The following SRGAP2 variants were observed in gnomAD, a reference collection of about 807,000 sequenced individuals.
SRGAP2 encodes the protein SLIT-ROBO Rho GTPase-activating protein 2.
Under a neutral mutation model 57.2 loss-of-function variants are expected in SRGAP2, and 15 were observed. That is an observed-to-expected ratio of 0.26 (90% confidence interval 0.18 to 0.40). SRGAP2 has a LOEUF of 0.40. SRGAP2 is among the 10% of genes least tolerant of loss of function. SRGAP2 has a pLI of 1.00. For synonymous variants in SRGAP2, 249 were observed against 248.0 expected, an observed-to-expected ratio of 1.00 and a Z score of -0.04; for missense variants, 520 against 669.6, an observed-to-expected ratio of 0.78 and a Z score of 2.47.
rs188385008 is a variant in SRGAP2 at position 206,416,771 on chromosome 1, C to G, written c.1441+798C>G. Among the ~76,000 whole-genome samples the G allele has an allele frequency of 2.4e-3, 372 of 152,256 alleles. 1 individual carries two copies. Among genetic ancestry groups the G allele is most frequent in the African/African-American group, 7.2e-3 (300 of 41,538 alleles). ...GGGATGCCTCTGAATGCCGCCCCCC[C>G]CTCCCTGCCCCACTAATCTAATCTC... On this transcript the variant is annotated intron_variant, in intron 11 of 22. Transcript: ENST00000573034.
chr1:206,404,685 A>G (rs1362250504), intron 8 of SRGAP2, among the ~76,000 whole-genome samples: 14 of 152,200 alleles, frequency 9.2e-5, no homozygotes, highest in Non-Finnish European at 1.6e-4. Context: ...GAAAATGCCA[A>G]GCTCCTTCAG....
chr1:206,335,252 A>C (rs1325641766), intron 3 of SRGAP2, among the ~76,000 whole-genome samples: 2 of 151,352 alleles, frequency 1.3e-5, no homozygotes, highest in Non-Finnish European at 2.9e-5. Flanking sequence ...GCATTGTAGC[A>C]TGTAGATTGT....
chr1:206,227,067 T>TAGAG (rs1667318171), intron 2 of SRGAP2, among the ~76,000 whole-genome samples: 2 of 152,008 alleles, frequency 1.3e-5, no homozygotes, highest in African/African-American at 4.8e-5. Flanking sequence ...TTGGGGAACC[T>TAGAG]CTTGGGCTCT....
chr1:206,429,364 T>C (rs1661090874), intron 13 of SRGAP2, among the ~76,000 whole-genome samples: 1 of 152,226 alleles, frequency 6.6e-6, no homozygotes, highest in Non-Finnish European at 1.5e-5. Context: ...TGAGAATAAT[T>C]GAGCACCTCT....
Position 206,307,789 on chromosome 1 carries a change from G to A in SRGAP2, c.260+4316G>A, listed in dbSNP as rs1379690315. 3.1e-4 allele frequency among the ~76,000 whole-genome samples: 47 copies of A among 152,216 alleles called. 1 individual carries two copies. Among genetic ancestry groups the A allele is most frequent in the Non-Finnish European group, 6.0e-4 (41 of 67,974 alleles). On this transcript the variant is annotated intron_variant, in intron 3 of 22. Coordinates refer to ENST00000573034, the MANE Select transcript of SRGAP2 (RefSeq NM_015326.5). ...CCCACGCCCACCCGGAACTCCAGCT[G>A]GCCCGCAAGCGCCGCACGCAGCCCC...
chr1:206,229,401 A>G (rs555090864), intron 2 of SRGAP2, among the ~76,000 whole-genome samples: 3 of 151,684 alleles, frequency 2.0e-5, no homozygotes, highest in Non-Finnish European at 2.9e-5. Flanking sequence ...TTAACAACTC[A>G]TTAAAACTCT....
At chr1:206,460,871 T>A (rs953758910) in intron 22 of SRGAP2, among the ~76,000 whole-genome samples, 166 bp from the exon 23 acceptor site, 1 of 152,230 alleles carries the variant, frequency 6.6e-6, no homozygotes, top group African/African-American at 2.4e-5. Flanking sequence ...TCCGTCCCCC[T>A]TTCCCTACTT....
chr1:206,386,985 G>T (rs1243386002), intron 5 of SRGAP2, among the ~76,000 whole-genome samples: 1 of 150,678 alleles, frequency 6.6e-6, no homozygotes, highest in Non-Finnish European at 1.5e-5. Flanking sequence ...AACTAGCCAG[G>T]CATGGTGGTG....
chr1:206,431,712 T>C (rs184047501), intron 14 of SRGAP2, among the ~76,000 whole-genome samples: 1 of 152,310 alleles, frequency 6.6e-6, no homozygotes, highest in East Asian at 1.9e-4. Flanking sequence ...AAATACAGTA[T>C]GTCAGGTATT....
rs527397324 is a variant in SRGAP2 at position 206,461,054 on chromosome 1, G to T, written c.2850G>T (p.Met950Ile). The change falls in exon 23 of 23, where the codon ATG becomes ATT. Residue 950 changes from methionine to isoleucine, a missense_variant. Met to Ile is a conservative substitution (Grantham distance 10). Around this residue, in one of 5 missense-constraint regions of SRGAP2, gnomAD observed 478 missense variants for 373.6 expected, o/e 1.28. Transcript: ENST00000573034. ...EVIAQDIEATMNSALNELREL... is the reference protein window; with the variant it reads ...EVIAQDIEATINSALNELREL... The stretch of plus-strand genomic sequence containing the variant: ...TTTTGCAGGATATTGAGGCAACAAT[G>T]AACTCGGCCCTGAATGAGCTACGGG... 2.8e-6 allele frequency: 2 copies of T among 707,378 alleles called. No homozygotes were observed. The highest frequency in any genetic ancestry group is 5.0e-5 in the East Asian group (2 of 40,294). 43.8% of individuals were successfully genotyped at this position (707,378 alleles called of 1,614,324 possible).
At chr1:206,457,459 G>A (rs1255809586) in intron 21 of SRGAP2, among the ~76,000 whole-genome samples, 1 of 152,202 alleles carries the variant, frequency 6.6e-6, no homozygotes, top group Admixed American at 6.6e-5. Context: ...TAGTGGTGCA[G>A]TGGTGCCAGT....
intron 2 of SRGAP2, among the ~76,000 whole-genome samples, chr1:206,289,371 C>T (rs1484151115): frequency 6.8e-6 from 1 of 147,800 alleles, no homozygotes; most frequent in Non-Finnish European, 1.5e-5. Flanking sequence ...CTCCCAGGTT[C>T]ACGCCATTCT....
In SRGAP2 at chr1:206,340,941, C is replaced by T. The variant is rs572048112; in HGVS notation, c.261-1905C>T. On this transcript the variant is annotated intron_variant, in intron 3 of 22. Coordinates refer to ENST00000573034, the MANE Select transcript of SRGAP2 (RefSeq NM_015326.5). ...GTAAGTGTTGTCACAGTGATTGGCA[C>T]GCTTAAGAGTTAGTGATTTTGGCTA... Among the ~76,000 whole-genome samples the T allele has an allele frequency of 9.1e-3, 1,374 of 151,734 alleles. 25 individuals are homozygous for T. The highest frequency in any genetic ancestry group is 0.031 in the African/African-American group (1,299 of 41,292).
At chr1:206,378,716 A>G (rs1655443936) in intron 4 of SRGAP2, among the ~76,000 whole-genome samples, 1 of 152,120 alleles carries the variant, frequency 6.6e-6, no homozygotes, top group Non-Finnish European at 1.5e-5. Flanking sequence ...AGCACTCTGT[A>G]AAAATGCACC....
At chr1:206,440,548 A>ATTT (rs1277994095) in intron 17 of SRGAP2, among the ~76,000 whole-genome samples, 1 of 150,194 alleles carries the variant, frequency 6.7e-6, no homozygotes. Context: ...CAATTAGAAG[A>ATTT]TTTTCTTTTT....
chr1:206,311,237 A>G (rs1241763456), intron 3 of SRGAP2, among the ~76,000 whole-genome samples: 4 of 152,162 alleles, frequency 2.6e-5, no homozygotes, highest in Middle Eastern at 3.4e-3. Context: ...TAAATATAGA[A>G]GAAGGGGAAA....
intron 4 of SRGAP2, among the ~76,000 whole-genome samples, chr1:206,369,857 T>G (rs1404849803): frequency 6.6e-6 from 1 of 151,038 alleles, no homozygotes; most frequent in Admixed American, 6.6e-5. Flanking sequence ...CCTCCAAAAC[T>G]TAAGCATAGA....
At chr1:206,427,972 G>A (rs1483387961) in intron 13 of SRGAP2, among the ~76,000 whole-genome samples, 5 of 151,962 alleles carry the variant, frequency 3.3e-5, no homozygotes, top group African/African-American at 1.2e-4. Flanking sequence ...GTGTGGTCTG[G>A]GTACCTGTAG....
At chr1:206,210,685 C>T (rs1357919979) in intron 2 of SRGAP2, among the ~76,000 whole-genome samples, 3 of 148,142 alleles carry the variant, frequency 2.0e-5, no homozygotes, top group African/African-American at 2.6e-5. Context: ...TTCATTCATG[C>T]CAACAAAGGT....
Sources: allele counts gnomAD v4.1 joint callset (sites outside exome capture counted in the v4.1 genomes callset), GRCh38; gene constraint gnomAD v4.1.1; regional missense constraint gnomAD v4.1.1; transcripts MANE v1.5; gene names NCBI Gene and HGNC (gene_info 2026-07-23, HGNC 2026-07-21).